The following ROBO1 variants were observed in gnomAD, a reference collection of about 807,000 sequenced individuals.
ROBO1 encodes roundabout guidance receptor 1.
ROBO1 carries 149 observed loss-of-function variants against 195.9 expected under a neutral mutation model. The ratio of observed to expected loss-of-function variants is 0.76; its 90% CI spans 0.67 to 0.87. The LOEUF (loss-of-function observed/expected upper bound fraction) is 0.87, where lower values mean the gene tolerates loss of function less well. Among genes scored for constraint, ROBO1 ranks in the 40% least tolerant of loss-of-function variants. The pLI is 0.00. For synonymous variants in ROBO1, 816 were observed against 733.2 expected (o/e 1.11, Z -1.82); for missense variants, 1,933 against 2,068.3 (o/e 0.93, Z 1.27).
intron 2 of ROBO1, among the ~76,000 whole-genome samples, chr3:79,581,119 G>C (rs1008723560): frequency 4.0e-5 from 6 of 151,708 alleles, no homozygotes; most frequent in African/African-American, 1.5e-4. Context: ...AAATAGTTTT[G>C]TTTTTGTTTT....
At chr3:79,314,105 A>C (rs2033619476) in intron 2 of ROBO1, among the ~76,000 whole-genome samples, 1 of 152,210 alleles carries the variant, frequency 6.6e-6, no homozygotes, top group Non-Finnish European at 1.5e-5. Context: ...GATTCTATCT[A>C]GGTCTCATGC....
At chr3:79,707,787 C>T (rs578191443) in intron 1 of ROBO1, among the ~76,000 whole-genome samples, 29 of 152,216 alleles carry the variant, frequency 1.9e-4, no homozygotes, top group African/African-American at 5.8e-4. Flanking sequence ...GGATTACAGG[C>T]GTGGGCCATC....
At chr3:78,756,224 A>C (rs911780950) in intron 4 of ROBO1, among the ~76,000 whole-genome samples, 4 of 152,158 alleles carry the variant, frequency 2.6e-5, no homozygotes, top group African/African-American at 9.6e-5. Context: ...CAAAACAAAA[A>C]ACACTCAGTT....
intron 2 of ROBO1, among the ~76,000 whole-genome samples, chr3:79,377,716 C>A (rs2036433067): frequency 6.6e-6 from 1 of 152,164 alleles, no homozygotes; most frequent in South Asian, 2.1e-4. Context: ...TAGGGACAGC[C>A]AAGAACTGTT....
chr3:78,637,992 G>C (rs923239637), intron 22 of ROBO1, among the ~76,000 whole-genome samples: 2 of 147,992 alleles, frequency 1.4e-5, no homozygotes, highest in African/African-American at 2.5e-5. Context: ...TTTGGGGGGG[G>C]GAGGGGTTGT....
intron 4 of ROBO1, among the ~76,000 whole-genome samples, chr3:78,915,019 A>G (rs2038470677): frequency 6.6e-6 from 1 of 152,052 alleles, no homozygotes; most frequent in Admixed American, 6.6e-5. Context: ...AAAAAACAAA[A>G]ACAGTGGCAA....
At position 78,938,804 on chromosome 3, in the gene ROBO1, A is replaced by G. The variant is rs1159458033; in HGVS notation, c.296T>C (p.Ile99Thr). Reference sequence around the variant, plus strand: ...TCTCTCTCCCCCTTTGTACCATTCAATAGTGGGTGTGGGGCGGCCTTCAGC... The same window carrying G: ...TCTCTCTCCCCCTTTGTACCATTCAGTAGTGGGTGTGGGGCGGCCTTCAGC... The part of the protein sequence containing the change: ...CKAEGRPTPT[I>T]EWYKGGERVE... Residue 99 changes from isoleucine to threonine, a missense_variant, in exon 4 of 31, where the codon ATT (isoleucine) becomes ACT (threonine). Physicochemically the swap from Ile to Thr is moderately conservative, Grantham distance 89. Coordinates refer to ENST00000464233, the MANE Select transcript of ROBO1 (RefSeq NM_002941.4). 6.2e-7 allele frequency: 1 copy of G among 1,614,000 alleles called. No homozygotes were observed. The highest frequency in any genetic ancestry group is 1.1e-5 in the South Asian group (1 of 91,080).
At chr3:78,689,522 T>TG (rs1198353944) in intron 8 of ROBO1, among the ~76,000 whole-genome samples, 3 of 150,080 alleles carry the variant, frequency 2.0e-5, no homozygotes, top group African/African-American at 4.9e-5. Flanking sequence ...GAGTCACTTC[T>TG]GGGAAAAAAA....
intron 4 of ROBO1, among the ~76,000 whole-genome samples, chr3:78,768,552 T>C (rs1436000103): frequency 2.0e-5 from 3 of 152,140 alleles, no homozygotes; most frequent in African/African-American, 7.2e-5. Flanking sequence ...TATTTCTATA[T>C]GTACTTGCCT....
At chr3:79,096,390 A>G (rs1027438608) in intron 3 of ROBO1, among the ~76,000 whole-genome samples, 4 of 151,958 alleles carry the variant, frequency 2.6e-5, no homozygotes, top group Non-Finnish European at 5.9e-5. Flanking sequence ...CAAGAAATTT[A>G]TATGCAGGTT....
At chr3:78,669,603 T>C (rs1006674349) in intron 11 of ROBO1, among the ~76,000 whole-genome samples, 35 of 152,382 alleles carry the variant, frequency 2.3e-4, no homozygotes, top group African/African-American at 8.4e-4. Flanking sequence ...CTTTCCATCA[T>C]TGAGCATTCT....
chr3:79,296,465 A>C (rs2032605061), intron 2 of ROBO1, among the ~76,000 whole-genome samples: 1 of 152,188 alleles, frequency 6.6e-6, no homozygotes, highest in Admixed American at 6.5e-5. Context: ...CATTTCTAGA[A>C]GGAAATATTT....
chr3:78,641,222 C>T (rs1466781679), intron 21 of ROBO1, among the ~76,000 whole-genome samples: 1 of 151,984 alleles, frequency 6.6e-6, no homozygotes. Flanking sequence ...GGAAATGGGA[C>T]GTCTAAGAGA....
At chr3:79,319,921 T>C (rs192893245) in intron 2 of ROBO1, among the ~76,000 whole-genome samples, 1 of 152,276 alleles carries the variant, frequency 6.6e-6, no homozygotes, top group African/African-American at 2.4e-5. Flanking sequence ...AATAATGCTG[T>C]AAGGTAATAT....
At chr3:79,592,321 T>C (rs1215216937) in intron 1 of ROBO1, among the ~76,000 whole-genome samples, 2 of 151,988 alleles carry the variant, frequency 1.3e-5, no homozygotes, top group African/African-American at 4.8e-5. Context: ...CAGGCAGATA[T>C]TATTTCAAAT....
chr3:78,661,105 T>G lies in ROBO1; in HGVS notation c.2245A>C (p.Ile749Leu). 6.2e-7 allele frequency: 1 copy of G among 1,613,822 alleles called. No individual in the cohort carries two copies. The highest frequency in any genetic ancestry group is 8.5e-7 in the Non-Finnish European group (1 of 1,179,808). Residue 749 changes from isoleucine (I) to leucine (L), a missense_variant, in exon 16 of 31, where the codon ATT becomes CTT. Physicochemically the swap from Ile to Leu is conservative, Grantham distance 5 (BLOSUM62 2). Transcript: ENST00000464233. ...TCATTAAAAAAAGGGCGAGCCTTAA[T>G]TTCATAGTTGACTCCCTTTCTGAGA... ...PDLRKGVNYEIKARPFFNEFQ... is the reference protein window; with the variant it reads ...PDLRKGVNYELKARPFFNEFQ...
chr3:78,673,560 TTTTATA>T (rs1257306103), intron 10 of ROBO1, among the ~76,000 whole-genome samples: 3 of 74,616 alleles, frequency 4.0e-5, no homozygotes, highest in African/African-American at 5.5e-5. Flanking sequence ...GTTACATATA[TTTTATA>T]TATATATATA....
intron 24 of ROBO1, among the ~76,000 whole-genome samples, 162 bp downstream of exon 24, chr3:78,633,773 A>C (rs1705319652): frequency 6.6e-6 from 1 of 152,206 alleles, no homozygotes; most frequent in African/African-American, 2.4e-5. Flanking sequence ...TAGTGAGTGG[A>C]AAGTCCCTCA....
At chr3:79,693,753 A>G (rs1427621974) in intron 1 of ROBO1, among the ~76,000 whole-genome samples, 2 of 151,598 alleles carry the variant, frequency 1.3e-5, no homozygotes, top group African/African-American at 4.8e-5. Flanking sequence ...TTGCTTTTTT[A>G]TGAGGACACA....
Sources: gnomAD v4.1 joint callset for allele counts (sites outside exome capture counted in the v4.1 genomes callset) on GRCh38, gnomAD v4.1.1 for gene constraint, MANE v1.5 for transcripts, NCBI Gene and HGNC (gene_info 2026-07-23, HGNC 2026-07-21) for gene names.